BACC1: variants seen among roughly 807,000 people sequenced by gnomAD.
The protein encoded by BACC1 is BPTF associated chromatin complex component 1, also known as BPTF-associated chromatin complex component 1.
At chr17:7,017,439 C>A in the BACC1 span, 2 of 935,256 alleles carry the variant, frequency 2.1e-6, no homozygotes, top group Non-Finnish European at 3.5e-6. Context: ...TCGCTATTCC[C>A]GCATAAGCAT....
At chr17:7,015,656 T>C in the BACC1 span, 1 of 1,339,332 alleles carries the variant, frequency 7.5e-7, no homozygotes, top group Non-Finnish European at 1.0e-6. Flanking sequence ...TATGCATCCG[T>C]GGAAGGGGTC....
chr17:7,017,033 C>A, the BACC1 span: 1 of 1,597,820 alleles, frequency 6.3e-7, no homozygotes, highest in South Asian at 1.1e-5. Flanking sequence ...CCTCCTCCTC[C>A]CACACAGCTG....
chr17:7,017,437 C>G, the BACC1 span: 2 of 945,376 alleles, frequency 2.1e-6, no homozygotes, highest in Non-Finnish European at 3.5e-6. Context: ...CCTCGCTATT[C>G]CCGCATAAGC....
At chr17:7,015,655 G>C in the BACC1 span, 1 of 1,333,634 alleles carries the variant, frequency 7.5e-7, no homozygotes, top group Non-Finnish European at 1.0e-6. Flanking sequence ...TTATGCATCC[G>C]TGGAAGGGGT....
chr17:7,014,782 A>C, the BACC1 span: 1 of 1,510,684 alleles, frequency 6.6e-7, no homozygotes, highest in Admixed American at 2.1e-5. This position sits in a 1 kb window ranked among gnomAD's most constrained non-coding sequence, Gnocchi z 4.5. Context: ...CGAGCCGCTC[A>C]GTCTCCCTGC....
chr17:7,015,931 C>A, the BACC1 span: 1 of 1,461,094 alleles, frequency 6.8e-7, no homozygotes, highest in South Asian at 1.2e-5. Flanking sequence ...TCCTCCTTAC[C>A]CAAGGTTCCA....
the BACC1 span, chr17:7,016,927 C>G: frequency 1.2e-6 from 2 of 1,613,982 alleles, no homozygotes; most frequent in Non-Finnish European, 1.7e-6. Context: ...ACTCAGTGCT[C>G]TGAACGACTC....
chr17:7,016,662 C>G, the BACC1 span: 2 of 1,612,092 alleles, frequency 1.2e-6, no homozygotes, highest in South Asian at 1.1e-5. Context: ...GCCGGGGGTC[C>G]CCCCATAAAG....
the BACC1 span, chr17:7,016,796 GT>G: frequency 6.5e-7 from 1 of 1,528,226 alleles, no homozygotes. Context: ...CCCTGTGGAG[GT>G]TCCCAGAGAG....
chr17:7,015,823 C>T, the BACC1 span: 3 of 1,614,042 alleles, frequency 1.9e-6, no homozygotes, highest in Non-Finnish European at 2.5e-6. Context: ...TGCTGTGAAG[C>T]GATTTGGGGA....
the BACC1 span, chr17:7,015,913 A>T: frequency 6.4e-7 from 1 of 1,561,108 alleles, no homozygotes; most frequent in Non-Finnish European, 8.8e-7. Flanking sequence ...GCGGGTGGGC[A>T]GCCTTCTTCC....
chr17:7,015,019 G>T, the BACC1 span: 1 of 1,439,490 alleles, frequency 6.9e-7, no homozygotes, highest in Non-Finnish European at 9.1e-7. Context: ...GGCGGGACGG[G>T]GAGGGCGGGC....
chr17:7,014,883 G>T, the BACC1 span: 9 of 1,533,188 alleles, frequency 5.9e-6, no homozygotes, highest in Non-Finnish European at 7.9e-6. This position sits in a 1 kb window ranked among gnomAD's most constrained non-coding sequence, Gnocchi z 4.5. Flanking sequence ...ACAAAGGTTC[G>T]ACCTCCCTCG....
At chr17:7,015,078 C>A in the BACC1 span, 13 of 1,560,610 alleles carry the variant, frequency 8.3e-6, no homozygotes, top group Non-Finnish European at 1.1e-5. Flanking sequence ...GAGATCTTCT[C>A]GGCGGCCGGC....
At chr17:7,015,660 A>G in the BACC1 span, 1 of 1,343,106 alleles carries the variant, frequency 7.4e-7, no homozygotes, top group Non-Finnish European at 1.0e-6. Flanking sequence ...CATCCGTGGA[A>G]GGGGTCCCAG....
chr17:7,014,803 C>A, the BACC1 span: 2 of 1,522,442 alleles, frequency 1.3e-6, no homozygotes, highest in Non-Finnish European at 1.8e-6. This position sits in a 1 kb window ranked among gnomAD's most constrained non-coding sequence, Gnocchi z 4.5. Flanking sequence ...TCTCCGTGGT[C>A]CCGGCTCGCG....
chr17:7,014,789 C>T, the BACC1 span: 7 of 1,518,832 alleles, frequency 4.6e-6, no homozygotes, highest in African/African-American at 7.1e-5. The surrounding 1 kb of genome is among the most constrained non-coding windows in gnomAD (Gnocchi z 4.5). Flanking sequence ...CTCAGTCTCC[C>T]TGCTCTCCGT....
the BACC1 span, chr17:7,017,439 C>T: frequency 2.5e-5 from 23 of 935,144 alleles, no homozygotes; most frequent in African/African-American, 6.5e-5. Flanking sequence ...TCGCTATTCC[C>T]GCATAAGCAT....
the BACC1 span, chr17:7,015,261 T>G: frequency 3.5e-6 from 5 of 1,435,654 alleles, no homozygotes; most frequent in Non-Finnish European, 9.1e-7. Context: ...TTTCCCTTTG[T>G]GCGTGGCACA....
Sources: gnomAD v4.1 joint callset for allele counts on GRCh38, gnomAD v4.1.1 for gene constraint, Gnocchi (gnomAD v3.1) non-coding constraint, MANE v1.5 for transcripts, NCBI Gene and HGNC (gene_info 2026-07-23, HGNC 2026-07-21) for gene names.